The following FREM1 variants were observed in gnomAD, a reference collection of about 807,000 sequenced individuals.
FREM1 encodes FRAS1-related extracellular matrix protein 1.
A neutral mutation model predicts 210.1 loss-of-function variants in FREM1; 220 were observed. That is an observed-to-expected ratio of 1.05 (90% CI 0.94 to 1.17). The LOEUF is 1.17. Ranked by LOEUF, FREM1 falls within the 50% of genes most tolerant of loss-of-function variation. The probability of loss-of-function intolerance (pLI) is 0.00; values close to 1 mark genes in which losing one functional copy is unlikely to be tolerated. For missense variants in FREM1, 3,454 were observed against 2,675.5 expected (o/e 1.29, Z -6.42); for synonymous variants, 1,189 against 980.2 (o/e 1.21, Z -3.98).
At chr9:14,740,997 A>G (rs1841481310) in intron 35 of FREM1, among the ~76,000 whole-genome samples, 1 of 152,176 alleles carries the variant, frequency 6.6e-6, no homozygotes, top group South Asian at 2.1e-4. Flanking sequence ...AAAAAAACAG[A>G]AAGTTTCAAA....
intron 1 of FREM1, among the ~76,000 whole-genome samples, chr9:14,877,557 T>C (rs985218660): frequency 3.3e-5 from 5 of 151,958 alleles, no homozygotes; most frequent in African/African-American, 1.2e-4. Flanking sequence ...ACCAACAGAA[T>C]TGAACAAAGG....
At position 14,767,778 on chromosome 9, in the gene FREM1, C is replaced by G. The variant is rs980172668; in HGVS notation, c.5204+1946G>C. ...GATGATAAATGCTGAGTAATTTTAC[C>G]CCCCCATCGCTTATAAAGAAAATAG... On this transcript the variant is annotated intron_variant, in intron 27 of 36. Transcript: ENST00000380880. 3.2e-4 allele frequency among the ~76,000 whole-genome samples: 48 copies of G among 151,852 alleles called. 2 individuals are homozygous for G. Among genetic ancestry groups the G allele is most frequent in the Non-Finnish European group, 7.4e-5 (5 of 67,964 alleles).
At chr9:14,779,617 G>T in intron 24 of FREM1, 1 of 265,394 alleles carries the variant, frequency 3.8e-6, no homozygotes, top group Non-Finnish European at 5.8e-6. Flanking sequence ...CCTCTGTGAG[G>T]TCACCGCAGT....
Position 14,823,286 on chromosome 9 carries a change from C to G in FREM1, c.2211G>C (p.Met737Ile). The G allele has an allele frequency of 6.2e-7, 1 of 1,613,942 alleles. No individual in the cohort carries two copies. The highest frequency in any genetic ancestry group is 8.5e-7 in the Non-Finnish European group (1 of 1,179,840). Reference sequence around the variant, plus strand: ...CTCTGCAATGGGGACCAATGTCTTGCATGGGGGGCATGTAGGCCACTTTCA... The same window carrying G: ...CTCTGCAATGGGGACCAATGTCTTGGATGGGGGGCATGTAGGCCACTTTCA... ...NYMKVAYMPPMQDIGPHCRDV... is the reference protein window; with the variant it reads ...NYMKVAYMPPIQDIGPHCRDV... Residue 737 changes from methionine (M) to isoleucine (I), a missense_variant, in exon 13 of 37, where the codon ATG (methionine) becomes ATC (isoleucine). Transcript: ENST00000380880.
At chr9:14,837,185 G>A (rs1454636812) in intron 10 of FREM1, among the ~76,000 whole-genome samples, 1 of 152,120 alleles carries the variant, frequency 6.6e-6, no homozygotes, top group Non-Finnish European at 1.5e-5. Flanking sequence ...GGCTAGGGTG[G>A]GAGGACCAGC....
intron 1 of FREM1, among the ~76,000 whole-genome samples, chr9:14,896,012 T>C (rs1446159818): frequency 1.3e-5 from 2 of 152,164 alleles, no homozygotes; most frequent in African/African-American, 2.4e-5. Flanking sequence ...GCTGCATTCC[T>C]AGATGGTTAA....
chr9:14,738,374 C>CT (rs1390809371), intron 36 of FREM1, among the ~76,000 whole-genome samples: 2 of 151,832 alleles, frequency 1.3e-5, no homozygotes, highest in Non-Finnish European at 2.9e-5. Flanking sequence ...TTTACCTTCC[C>CT]CAACTGTTTT....
In FREM1 at chr9:14,737,570, G is replaced by A. The variant is rs1282902372; in HGVS notation, c.6366C>T (p.Gly2122=). Residue 2122 remains glycine, a synonymous_variant, in exon 37 of 37, where the codon GGC becomes GGT. Transcript: ENST00000380880. ...WIGLNDQVHA[G]HWEWIGGEPV... ...GTTCACCACCGATCCACTCCCAGTGGCCAGCATGCACTTGGTCGTTCAAAC... is the reference window on the plus strand; with the variant it reads ...GTTCACCACCGATCCACTCCCAGTGACCAGCATGCACTTGGTCGTTCAAAC... The A allele has an allele frequency of 6.3e-7, 1 of 1,589,708 alleles. No individual in the cohort carries two copies. The highest frequency in any genetic ancestry group is 1.8e-5 in the Admixed American group (1 of 55,490).
intron 3 of FREM1, among the ~76,000 whole-genome samples, chr9:14,860,033 A>G (rs940762011): frequency 1.3e-5 from 2 of 152,162 alleles, no homozygotes; most frequent in African/African-American, 2.4e-5. Context: ...GGTTGTTTGA[A>G]GAGTCTAAAA....
chr9:14,841,473 C>G lies in FREM1; in HGVS notation c.1855G>C (p.Glu619Gln). ...TGTGGCACTGAAAGATTTGGAGGTT[C>G]ATGGCTGTCCCACAGGACAAATTGA... ...SFQFVLWDSH[E>Q]PPNLSVPQVA... Residue 619 changes from glutamate (E) to glutamine (Q), a missense_variant, in exon 10 of 37, where the codon GAA (glutamate) becomes CAA (glutamine). Coordinates refer to ENST00000380880, the MANE Select transcript of FREM1 (RefSeq NM_001379081.2). The G allele has an allele frequency of 1.2e-6, 2 of 1,610,040 alleles. No individual in the cohort carries two copies. Among genetic ancestry groups the G allele is most frequent in the Non-Finnish European group, 1.7e-6 (2 of 1,177,296 alleles).
intron 28 of FREM1, among the ~76,000 whole-genome samples, chr9:14,757,616 G>C (rs1031725249): frequency 6.6e-6 from 1 of 152,158 alleles, no homozygotes; most frequent in African/African-American, 2.4e-5. Flanking sequence ...TGAGAACCGT[G>C]TGCAAGCATT....
At chr9:14,894,882 T>C (rs1588637567) in intron 1 of FREM1, among the ~76,000 whole-genome samples, 3 of 152,234 alleles carry the variant, frequency 2.0e-5, no homozygotes, top group Admixed American at 2.0e-4. Flanking sequence ...AAATTGGTTA[T>C]TTTACCAAGG....
At chr9:14,758,935 T>A (rs1036480448) in intron 28 of FREM1, among the ~76,000 whole-genome samples, 11 of 152,322 alleles carry the variant, frequency 7.2e-5, no homozygotes, top group Admixed American at 4.6e-4. Context: ...TAATTTTGTA[T>A]GGCTTGGACA....
intron 35 of FREM1, among the ~76,000 whole-genome samples, chr9:14,740,455 T>C (rs1001505215): frequency 6.6e-6 from 1 of 152,188 alleles, no homozygotes; most frequent in African/African-American, 2.4e-5. Context: ...TATCTGGGCT[T>C]TACAGCAAAA....
At chr9:14,860,389 C>G (rs1829585713) in intron 3 of FREM1, among the ~76,000 whole-genome samples, 1 of 151,870 alleles carries the variant, frequency 6.6e-6, no homozygotes, top group African/African-American at 2.4e-5. Flanking sequence ...AGAAGCTCCT[C>G]TAACCCTGCA....
At position 14,861,126 on chromosome 9, in the gene FREM1, TAC is replaced by T. The variant is rs1318649704; in HGVS notation, c.330-1644_330-1643del. 1.3e-3 allele frequency among the ~76,000 whole-genome samples: 125 copies of T among 98,934 alleles called. 2 individuals carry two copies. Among genetic ancestry groups the T allele is most frequent in the African/African-American group, 6.5e-3 (117 of 17,930 alleles). 64.9% of individuals were successfully genotyped at this position (98,934 alleles called of 152,430 possible). A position where few individuals can be genotyped will look rare whatever the true frequency, so the allele number is the denominator to read the frequency against. The stretch of plus-strand genomic sequence containing the variant: ...ATATATACACATATATATACATATA[TAC>T]ACATATATACATATATACACATATA... On this transcript the variant is annotated intron_variant, in intron 3 of 36. Coordinates refer to ENST00000380880, the MANE Select transcript of FREM1 (RefSeq NM_001379081.2).
chr9:14,766,116 C>T (rs1358801947), intron 27 of FREM1, among the ~76,000 whole-genome samples: 1 of 152,080 alleles, frequency 6.6e-6, no homozygotes, highest in Admixed American at 6.6e-5. Flanking sequence ...GGTTCACTCT[C>T]CAGTGACTTC....
Position 14,859,192 on chromosome 9 carries a change from G to C in FREM1, c.622C>G (p.Pro208Ala), listed in dbSNP as rs546583191. 1.3e-6 allele frequency: 2 copies of C among 1,579,460 alleles called. No homozygotes were observed. Among genetic ancestry groups the C allele is most frequent in the Non-Finnish European group, 1.7e-6 (2 of 1,163,588 alleles). The part of the protein sequence containing the change: ...PRGDQPHSFF[P>A]ESQLRAKLKC... ...TTAAAAGACATCATACGGGACTCTG[G>C]GAAAAAACTGTGTGGCTGATCTCCA... Residue 208 changes from proline to alanine, a missense_variant, in exon 4 of 37, where the codon CCA (proline) becomes GCA (alanine). Coordinates refer to ENST00000380880, the MANE Select transcript of FREM1 (RefSeq NM_001379081.2).
chr9:14,860,912 C>T (rs1353927730), intron 3 of FREM1, among the ~76,000 whole-genome samples: 10 of 76,106 alleles, frequency 1.3e-4, no homozygotes, highest in African/African-American at 3.8e-4. Context: ...CACATATACA[C>T]ATATACACAT....
Sources: gnomAD v4.1 joint callset for allele counts (sites outside exome capture counted in the v4.1 genomes callset) on GRCh38, gnomAD v4.1.1 for gene constraint, MANE v1.5 for transcripts, NCBI Gene and HGNC (gene_info 2026-07-23, HGNC 2026-07-21) for gene names.